SYT16: variants seen among roughly 807,000 people sequenced by gnomAD.
SYT16 encodes synaptotagmin-16.
SYT16 carries 42 observed loss-of-function variants against 61.4 expected under a neutral mutation model. That is an observed-to-expected ratio of 0.68 (90% CI 0.53 to 0.89). The LOEUF is 0.89. Ranked by LOEUF, SYT16 falls within the 40% of genes least tolerant of loss-of-function variation. The probability of loss-of-function intolerance (pLI) is 0.00; values close to 1 mark genes in which losing one functional copy is unlikely to be tolerated. For missense variants in SYT16, 804 were observed against 807.3 expected (o/e 1.00, Z 0.05); for synonymous variants, 314 against 302.3 (o/e 1.04, Z -0.40).
At chr14:61,837,588 A>G (rs1394735593) in intron 1 of SYT16, among the ~76,000 whole-genome samples, 1 of 152,178 alleles carries the variant, frequency 6.6e-6, no homozygotes, top group Non-Finnish European at 1.5e-5. Context: ...CTAAGGCCTC[A>G]CAAAGGCTCT....
At chr14:62,040,735 T>G (rs78577403) in intron 3 of SYT16, among the ~76,000 whole-genome samples, 7,576 of 152,204 alleles carry the variant, frequency 0.05, 321 homozygotes, top group African/African-American at 0.12. Context: ...TTAAAAAATA[T>G]ATTATTTTTA....
chr14:61,931,228 A>G (rs977788264), intron 1 of SYT16, among the ~76,000 whole-genome samples: 6 of 152,164 alleles, frequency 3.9e-5, no homozygotes, highest in Non-Finnish European at 5.9e-5. Context: ...ATAAATGAAA[A>G]CAGCCCATTT....
At chr14:61,845,773 T>G in intron 1 of SYT16, among the ~76,000 whole-genome samples, 1 of 152,358 alleles carries the variant, frequency 6.6e-6, no homozygotes, top group African/African-American at 2.4e-5. Context: ...GTTGTTTATT[T>G]GAAATTTTTC....
intron 1 of SYT16, chr14:61,865,368 A>G: frequency 1.6e-6 from 1 of 644,214 alleles, no homozygotes; most frequent in East Asian, 3.5e-5. Flanking sequence ...AGGGCACACA[A>G]GAAGGGGCTG....
chr14:61,825,070 A>G (rs1182560321), intron 1 of SYT16, among the ~76,000 whole-genome samples: 3 of 152,332 alleles, frequency 2.0e-5, no homozygotes, highest in East Asian at 3.9e-4. Flanking sequence ...AAAATGGAAA[A>G]CTGCTTTTAG....
intron 1 of SYT16, among the ~76,000 whole-genome samples, chr14:61,905,693 C>G (rs1423768852): frequency 6.6e-6 from 1 of 151,984 alleles, no homozygotes; most frequent in Non-Finnish European, 1.5e-5. Flanking sequence ...CAGTCTAGCC[C>G]TTAAAAAATT....
chr14:62,065,302 T>C (rs1434959637), intron 3 of SYT16, among the ~76,000 whole-genome samples: 1 of 152,236 alleles, frequency 6.6e-6, no homozygotes, highest in Non-Finnish European at 1.5e-5. Context: ...TGTTGCCTTA[T>C]GACAAGTTAC....
intron 1 of SYT16, among the ~76,000 whole-genome samples, chr14:61,904,829 C>T (rs912761332): frequency 3.3e-5 from 5 of 152,204 alleles, no homozygotes; most frequent in African/African-American, 1.2e-4. Flanking sequence ...CCCTATATCT[C>T]ATTACTATAA....
At chr14:61,982,021 C>T (rs1217622351) in intron 2 of SYT16, among the ~76,000 whole-genome samples, 1 of 152,144 alleles carries the variant, frequency 6.6e-6, no homozygotes, top group Non-Finnish European at 1.5e-5. Flanking sequence ...CAGAAGATTT[C>T]CTTCATGCTT....
chr14:62,062,673 C>T (rs557179882), intron 3 of SYT16, among the ~76,000 whole-genome samples: 7 of 152,080 alleles, frequency 4.6e-5, no homozygotes, highest in African/African-American at 1.2e-4. Flanking sequence ...CATCTTTGAT[C>T]TCCCTTCTGC....
chr14:62,068,365 AAAAACAAAACAAAACAAAAC>A (rs57308262), intron 3 of SYT16, among the ~76,000 whole-genome samples: 126 of 150,448 alleles, frequency 8.4e-4, no homozygotes, highest in Non-Finnish European at 1.4e-3. Flanking sequence ...TGGAATCTAA[AAAAACAAAACAAAACAAAAC>A]AAAACAAAAC....
intron 3 of SYT16, among the ~76,000 whole-genome samples, chr14:62,035,550 G>A (rs1286498756): frequency 6.6e-6 from 1 of 152,182 alleles, no homozygotes; most frequent in Non-Finnish European, 1.5e-5. Context: ...GAAGAGAAGT[G>A]AAAATAGACT....
At chr14:61,911,253 A>G (rs951466431) in intron 1 of SYT16, among the ~76,000 whole-genome samples, 1 of 152,200 alleles carries the variant, frequency 6.6e-6, no homozygotes, top group Non-Finnish European at 1.5e-5. Flanking sequence ...ACTAGAACCT[A>G]CCTAGGCTTG....
chr14:61,838,511 C>T (rs1351261036), intron 1 of SYT16, among the ~76,000 whole-genome samples: 1 of 152,212 alleles, frequency 6.6e-6, no homozygotes, highest in Non-Finnish European at 1.5e-5. Context: ...CCAGCTCCCA[C>T]CTACCCAGGC....
rs189191047 is a variant in SYT16 at position 61,924,662 on chromosome 14, T to A, written c.-324-45470T>A. Among the ~76,000 whole-genome samples the A allele has an allele frequency of 3.0e-4, 46 of 152,344 alleles. 1 individual carries two copies. On this transcript the variant is annotated intron_variant, in intron 1 of 7. Coordinates refer to ENST00000683842, the MANE Select transcript of SYT16 (RefSeq NM_001367656.1). ...TTTCTCATACTACCATGTTTTTCTT[T>A]CCCTGTATGAAACCCTCTTGCTTAT... is the stretch of plus-strand genomic sequence containing the variant.
intron 1 of SYT16, among the ~76,000 whole-genome samples, chr14:61,963,887 T>C (rs2051206314): frequency 6.6e-6 from 1 of 152,200 alleles, no homozygotes; most frequent in Non-Finnish European, 1.5e-5. Flanking sequence ...TTAAGAATTA[T>C]GCTCAGTCTT....
intron 1 of SYT16, among the ~76,000 whole-genome samples, chr14:61,849,522 G>A (rs1300592358): frequency 6.6e-6 from 1 of 152,160 alleles, no homozygotes; most frequent in Admixed American, 6.5e-5. Context: ...ATTTCCCTCT[G>A]ATTAGGGCTC....
chr14:62,050,912 G>C (rs147695664), intron 3 of SYT16, among the ~76,000 whole-genome samples: 1,577 of 152,278 alleles, frequency 0.01, 28 homozygotes, highest in African/African-American at 0.036. Context: ...TAGGCTACTG[G>C]GGGTCAGGGA....
intron 5 of SYT16, among the ~76,000 whole-genome samples, chr14:62,078,151 C>CTATATATATATA (rs1427469359): frequency 8.5e-5 from 9 of 106,416 alleles, no homozygotes; most frequent in African/African-American, 3.4e-4. Context: ...CTCTCTCTCT[C>CTATATATATATA]TCTCTATATA....
Sources: allele counts gnomAD v4.1 joint callset (sites outside exome capture counted in the v4.1 genomes callset), GRCh38; gene constraint gnomAD v4.1.1; transcripts MANE v1.5; gene names NCBI Gene and HGNC (gene_info 2026-07-23, HGNC 2026-07-21).